CDC40: variants seen among roughly 807,000 people sequenced by gnomAD.
The protein encoded by CDC40 is pre-mRNA-processing factor 17.
A neutral mutation model predicts 80.6 loss-of-function variants in CDC40; 27 were observed. The ratio of observed to expected loss-of-function variants is 0.33; its 90% CI spans 0.25 to 0.46. The LOEUF is 0.46. Ranked by LOEUF, CDC40 falls within the 20% of genes least tolerant of loss-of-function variation. The probability of loss-of-function intolerance (pLI) is 1.00; values close to 1 mark genes in which losing one functional copy is unlikely to be tolerated. For missense variants in CDC40, 486 were observed against 694.1 expected (o/e 0.70, Z 3.37); for synonymous variants, 221 against 232.6 (o/e 0.95, Z 0.45).
At chr6:110,218,385 C>T (rs139718983) in intron 10 of CDC40, among the ~76,000 whole-genome samples, 149 of 152,290 alleles carry the variant, frequency 9.8e-4, no homozygotes, top group Non-Finnish European at 1.8e-3. Flanking sequence ...TATTAAACAT[C>T]ATTTAACAGG....
intron 1 of CDC40, among the ~76,000 whole-genome samples, chr6:110,181,013 T>G (rs780000786): frequency 1.4e-4 from 21 of 152,204 alleles, no homozygotes; most frequent in Non-Finnish European, 2.5e-4. Flanking sequence ...TTTGAAGAAC[T>G]AGGTTCTAAT....
intron 1 of CDC40, among the ~76,000 whole-genome samples, chr6:110,182,387 C>T (rs1468043953): frequency 3.9e-5 from 6 of 152,152 alleles, no homozygotes; most frequent in Non-Finnish European, 8.8e-5. Context: ...TGCAGGTTGG[C>T]GCTCAGCCAC....
intron 12 of CDC40, among the ~76,000 whole-genome samples, chr6:110,223,188 G>C (rs138627143): frequency 3.9e-5 from 6 of 152,190 alleles, no homozygotes; most frequent in African/African-American, 1.4e-4. Flanking sequence ...GGGCTCAAGC[G>C]ATCGTCCTGC....
intron 13 of CDC40, among the ~76,000 whole-genome samples, chr6:110,227,017 A>AT (rs1777872435): frequency 6.6e-6 from 1 of 152,136 alleles, no homozygotes; most frequent in South Asian, 2.1e-4. Flanking sequence ...TCTAAAAAAA[A>AT]AAATAGTAAT....
chr6:110,208,003 T>C (rs887612412), intron 4 of CDC40, among the ~76,000 whole-genome samples: 8 of 152,342 alleles, frequency 5.3e-5, no homozygotes, highest in African/African-American at 1.9e-4. Context: ...AAGAGTTGCT[T>C]TGAAGGTTGA....
intron 2 of CDC40, chr6:110,199,078 C>T (rs762509735): frequency 6.6e-6 from 1 of 152,216 alleles, no homozygotes; most frequent in Non-Finnish European, 1.5e-5. Flanking sequence ...CCTCCTCCCA[C>T]TGATTCCTTG....
chr6:110,180,568 A>G lies in CDC40; in HGVS notation c.124A>G (p.Lys42Glu). ...PAADSLMHLT[K>E]SPSSKPSLAV... The stretch of plus-strand genomic sequence containing the variant: ...CGCCGACTCCCTCATGCACTTGACT[A>G]AATCGCCTTCATCAAAGCCGTCTCT... The change falls in exon 1 of 15, where the codon AAA becomes GAA. Residue 42 changes from lysine (K) to glutamate (E), a missense_variant. By Grantham distance (56) the Lys-to-Glu change is moderately conservative. Transcript: ENST00000307731. The G allele has an allele frequency of 6.2e-7, 1 of 1,614,176 alleles. No individual in the cohort carries two copies. Among genetic ancestry groups the G allele is most frequent in the Non-Finnish European group, 8.5e-7 (1 of 1,180,016 alleles).
chr6:110,215,552 A>T (rs772018628), intron 9 of CDC40, among the ~76,000 whole-genome samples: 2 of 152,210 alleles, frequency 1.3e-5, no homozygotes, highest in Non-Finnish European at 2.9e-5. Flanking sequence ...CGTGCTGCTG[A>T]GGGGATCCAC....
At chr6:110,209,051 G>GTTT in intron 4 of CDC40, 33 bp from the exon 5 acceptor site, 7 of 1,167,856 alleles carry the variant, frequency 6.0e-6, no homozygotes, top group South Asian at 3.0e-5. Context: ...TAATCTCTCA[G>GTTT]TTTTTTTTTT....
chr6:110,228,587 A>G (rs1777895042), intron 13 of CDC40, among the ~76,000 whole-genome samples: 6 of 151,952 alleles, frequency 3.9e-5, no homozygotes. Flanking sequence ...TTTTTTAAAA[A>G]CTTTTATATG....
intron 1 of CDC40, among the ~76,000 whole-genome samples, chr6:110,192,733 T>C (rs1161963433): frequency 6.6e-6 from 1 of 152,212 alleles, no homozygotes; most frequent in African/African-American, 2.4e-5. Context: ...TATAAGACTT[T>C]AGATTTAGAA....
At chr6:110,204,633 CCA>C (rs1777537466) in intron 3 of CDC40, among the ~76,000 whole-genome samples, 1 of 151,332 alleles carries the variant, frequency 6.6e-6, no homozygotes, top group South Asian at 2.1e-4. Flanking sequence ...TACTCTACCA[CCA>C]CAGTGTATAA....
chr6:110,207,519 C>A lies in CDC40; in HGVS notation c.420C>A (p.Asp140Glu). The change falls in exon 4 of 15, where the codon GAC becomes GAA. Residue 140 changes from aspartate to glutamate, a missense_variant. Physicochemically the swap from Asp to Glu is conservative, Grantham distance 45. Coordinates refer to ENST00000307731, the MANE Select transcript of CDC40 (RefSeq NM_015891.3). ...TTTTGCTTTCAGGTTATGCATTAGA[C>A]CCTTCATTAGATAATCATCAAGTGT... ...RTFATYGYAL[D>E]PSLDNHQVSA... 6.3e-7 allele frequency: 1 copy of A among 1,592,562 alleles called. No homozygotes were observed. The highest frequency in any genetic ancestry group is 2.2e-5 in the East Asian group (1 of 44,628).
chr6:110,223,017 C>T (rs906478609), intron 12 of CDC40, among the ~76,000 whole-genome samples: 2 of 152,150 alleles, frequency 1.3e-5, no homozygotes, highest in Admixed American at 6.5e-5. Flanking sequence ...AAGTAATTTG[C>T]CCAAGGTTAT....
intron 3 of CDC40, among the ~76,000 whole-genome samples, chr6:110,206,703 CAA>C (rs1777566887): frequency 6.6e-6 from 1 of 152,098 alleles, no homozygotes; most frequent in South Asian, 2.1e-4. Flanking sequence ...ATGGTATTTT[CAA>C]AATAATAGCT....
At chr6:110,214,763 A>G (rs1363522668) in intron 8 of CDC40, among the ~76,000 whole-genome samples, 2 of 152,184 alleles carry the variant, frequency 1.3e-5, no homozygotes, top group African/African-American at 4.8e-5. Context: ...CACCTTAGAT[A>G]TGCTGAGAAT....
intron 2 of CDC40, among the ~76,000 whole-genome samples, chr6:110,194,926 G>A (rs1216015373): frequency 6.6e-6 from 1 of 151,938 alleles, no homozygotes; most frequent in Non-Finnish European, 1.5e-5. Flanking sequence ...AAATTTTTTT[G>A]TCGTTCTCTT....
intron 13 of CDC40, 106 bp downstream of exon 13, chr6:110,226,349 T>C (rs2114674255): frequency 1.6e-6 from 1 of 637,062 alleles, no homozygotes; most frequent in South Asian, 2.2e-5. Flanking sequence ...AGTTTGTCAC[T>C]GTGCCATTAT....
At chr6:110,183,505 G>A (rs1236838914) in intron 1 of CDC40, among the ~76,000 whole-genome samples, 2 of 152,186 alleles carry the variant, frequency 1.3e-5, no homozygotes, top group African/African-American at 4.8e-5. Context: ...GTCCATTAGA[G>A]GTAGAGCTGG....
Sources: allele counts gnomAD v4.1 joint callset (sites outside exome capture counted in the v4.1 genomes callset), GRCh38; gene constraint gnomAD v4.1.1; transcripts MANE v1.5; gene names NCBI Gene and HGNC (gene_info 2026-07-23, HGNC 2026-07-21).